MLIP: variants seen among roughly 807,000 people sequenced by gnomAD.
MLIP encodes muscular LMNA interacting protein.
In MLIP, 79 loss-of-function variants were observed where a neutral mutation model predicts 84.8. The observed-to-expected ratio is 0.93, with a 90% CI of 0.78 to 1.12. The LOEUF (loss-of-function observed/expected upper bound fraction) is 1.12. MLIP is among the 50% of genes most tolerant of loss of function. MLIP has a pLI of 0.00. For missense variants in MLIP, 1,257 were observed against 1,160.6 expected (o/e 1.08, Z -1.21); for synonymous variants, 504 against 463.0 (o/e 1.09, Z -1.14).
intron 1 of MLIP, among the ~76,000 whole-genome samples, chr6:54,104,382 G>A (rs1489537745): frequency 1.3e-5 from 2 of 152,074 alleles, no homozygotes; most frequent in Admixed American, 1.3e-4. Context: ...TGTAAAAATG[G>A]TTCACTATGG....
At chr6:54,178,663 G>A (rs1397891409) in intron 9 of MLIP, among the ~76,000 whole-genome samples, 27 of 151,872 alleles carry the variant, frequency 1.8e-4, no homozygotes, top group Admixed American at 1.4e-3. Flanking sequence ...GGTCATTCAG[G>A]AGCATATTGT....
At chr6:54,043,438 A>G (rs1343833940) in intron 1 of MLIP, 1 of 152,220 alleles carries the variant, frequency 6.6e-6, no homozygotes, top group Non-Finnish European at 1.5e-5. Context: ...CTAACACAGC[A>G]TGTCATCTAT....
At chr6:54,073,525 T>C (rs1253029644) in intron 1 of MLIP, among the ~76,000 whole-genome samples, 1 of 152,218 alleles carries the variant, frequency 6.6e-6, no homozygotes, top group Non-Finnish European at 1.5e-5. Context: ...TTTTGTAAAC[T>C]AGATCACCCA....
intron 1 of MLIP, among the ~76,000 whole-genome samples, chr6:54,072,772 T>C (rs1005723693): frequency 6.6e-6 from 1 of 152,238 alleles, no homozygotes; most frequent in African/African-American, 2.4e-5. Context: ...CCTGCTATCC[T>C]TCCGTCTGTG....
intron 11 of MLIP, among the ~76,000 whole-genome samples, chr6:54,222,784 G>T (rs1050070310): frequency 2.2e-4 from 34 of 151,986 alleles, no homozygotes; most frequent in African/African-American, 8.0e-4. Context: ...TAAATTTTGG[G>T]GGGAAACTTC....
intron 1 of MLIP, among the ~76,000 whole-genome samples, chr6:54,051,588 T>A (rs1193855272): frequency 6.6e-6 from 1 of 152,082 alleles, no homozygotes; most frequent in African/African-American, 2.4e-5. Context: ...CCTGATAGTC[T>A]CTATATTGTA....
chr6:54,254,803 C>T (rs1782894271), intron 12 of MLIP, among the ~76,000 whole-genome samples: 2 of 147,126 alleles, frequency 1.4e-5, no homozygotes, highest in Non-Finnish European at 3.0e-5. Flanking sequence ...CTTTCCTGCC[C>T]TGCCGCCACA....
chr6:54,231,177 A>G (rs553123112), intron 12 of MLIP, among the ~76,000 whole-genome samples: 96 of 152,296 alleles, frequency 6.3e-4, no homozygotes, highest in African/African-American at 2.3e-3. Context: ...TTCATGTTCT[A>G]ACTCCATGGT....
chr6:54,037,267 A>G (rs570181684), intron 1 of MLIP, among the ~76,000 whole-genome samples: 19 of 152,182 alleles, frequency 1.2e-4, no homozygotes, highest in Non-Finnish European at 1.9e-4. Context: ...GCAGCTCTGC[A>G]TGCATCAATT....
intron 11 of MLIP, among the ~76,000 whole-genome samples, chr6:54,223,764 A>G (rs1780383960): frequency 6.6e-6 from 1 of 152,076 alleles, no homozygotes; most frequent in African/African-American, 2.4e-5. Flanking sequence ...ATAAGCTTAT[A>G]TTACTTTGTA....
At chr6:54,102,190 T>G (rs1768703608) in intron 1 of MLIP, among the ~76,000 whole-genome samples, 2 of 152,204 alleles carry the variant, frequency 1.3e-5, no homozygotes, top group Admixed American at 1.3e-4. Context: ...GCAAGTTATT[T>G]AATCTCCCTG....
At chr6:54,205,995 A>G (rs1779011474) in intron 11 of MLIP, among the ~76,000 whole-genome samples, 1 of 152,192 alleles carries the variant, frequency 6.6e-6, no homozygotes, top group African/African-American at 2.4e-5. Flanking sequence ...TTGATAACTA[A>G]AAGTAGAGCT....
intron 1 of MLIP, among the ~76,000 whole-genome samples, chr6:54,052,177 G>A (rs1427290891): frequency 6.6e-6 from 1 of 152,084 alleles, no homozygotes; most frequent in African/African-American, 2.4e-5. Context: ...TAGATCACAG[G>A]TGTAGCCCTT....
Position 54,190,004 on chromosome 6 carries a change from A to G in MLIP, c.2589+90A>G. The G allele has an allele frequency of 4.7e-6, 4 of 855,516 alleles. 1 individual carries two copies. The South Asian group carries it at 5.0e-5, about 11-fold the overall frequency. The allele number at this position is 855,516 out of a possible 1,614,324, so 53.0% of individuals were successfully genotyped here. On this transcript the variant is annotated intron_variant, in intron 10 of 13. Transcript: ENST00000502396. ...TAAAAGTGAAAAAAAGAATACATTT[A>G]CTATATATATTTTTATTCACTTACT... is the stretch of plus-strand genomic sequence containing the variant.
intron 12 of MLIP, among the ~76,000 whole-genome samples, chr6:54,250,645 A>G (rs1310646784): frequency 6.6e-6 from 1 of 152,080 alleles, no homozygotes; most frequent in East Asian, 1.9e-4. Context: ...TGATGCATAC[A>G]AATTCCTCAT....
At chr6:54,047,138 G>A (rs1765108045) in intron 1 of MLIP, 1 of 152,168 alleles carries the variant, frequency 6.6e-6, no homozygotes, top group Admixed American at 6.5e-5. Flanking sequence ...AGATGGATCA[G>A]AAACTTTGTT....
intron 1 of MLIP, among the ~76,000 whole-genome samples, chr6:54,115,321 A>C (rs1428224370): frequency 6.6e-6 from 1 of 152,208 alleles, no homozygotes; most frequent in South Asian, 2.1e-4. Flanking sequence ...GGTATCCAAA[A>C]GAGTAACTGT....
intron 1 of MLIP, among the ~76,000 whole-genome samples, chr6:54,022,252 A>C (rs573767000): frequency 1.6e-4 from 25 of 152,342 alleles, no homozygotes; most frequent in African/African-American, 6.0e-4. Context: ...TCTGTATTGT[A>C]ATATACTAAA....
intron 13 of MLIP, among the ~76,000 whole-genome samples, chr6:54,263,381 C>CT (rs1783505232): frequency 6.6e-6 from 1 of 151,830 alleles, no homozygotes. Context: ...CAGATTTTAT[C>CT]TTTTTTCACC....
Sources: gnomAD v4.1 joint callset for allele counts (sites outside exome capture counted in the v4.1 genomes callset) on GRCh38, gnomAD v4.1.1 for gene constraint, MANE v1.5 for transcripts, NCBI Gene and HGNC (gene_info 2026-07-23, HGNC 2026-07-21) for gene names.